The following TTC28 variants were observed in gnomAD, a reference collection of about 807,000 sequenced individuals.
The protein encoded by TTC28 is tetratricopeptide repeat domain 28, also known as tetratricopeptide repeat protein 28.
TTC28 carries 61 observed loss-of-function variants against 198.0 expected under a neutral mutation model. The observed-to-expected ratio is 0.31, with a 90% CI of 0.25 to 0.38. The LOEUF (loss-of-function observed/expected upper bound fraction) is 0.38. Ranked by LOEUF, TTC28 falls within the 10% of genes least tolerant of loss-of-function variation. The pLI is 1.00. For synonymous variants in TTC28, 1,171 were observed against 1,297.8 expected, an observed-to-expected ratio of 0.90 and a Z score of 2.10; for missense variants, 2,678 against 3,164.0, an observed-to-expected ratio of 0.85 and a Z score of 3.69.
intron 2 of TTC28, among the ~76,000 whole-genome samples, chr22:28,360,885 A>G (rs1257107155): frequency 6.6e-6 from 1 of 151,232 alleles, no homozygotes; most frequent in African/African-American, 2.5e-5. Flanking sequence ...ACACTTTTTC[A>G]TTATTATTAT....
chr22:28,336,853 G>C (rs2045730367), intron 2 of TTC28, among the ~76,000 whole-genome samples: 1 of 152,068 alleles, frequency 6.6e-6, no homozygotes, highest in Non-Finnish European at 1.5e-5. Context: ...GTTCTGCTCT[G>C]ATTTTAGTTA....
chr22:28,216,463 CAT>C (rs1927408951), intron 5 of TTC28, among the ~76,000 whole-genome samples: 1 of 152,108 alleles, frequency 6.6e-6, no homozygotes, highest in Non-Finnish European at 1.5e-5. Context: ...CATGTTAACA[CAT>C]GAGTTATGTG....
At chr22:28,472,580 G>T (rs1328136580) in intron 2 of TTC28, among the ~76,000 whole-genome samples, 1 of 151,692 alleles carries the variant, frequency 6.6e-6, no homozygotes, top group Admixed American at 6.6e-5. Context: ...GTGTGTGTGT[G>T]TGTGTGTGTG....
chr22:28,410,799 G>GA (rs945202353), intron 2 of TTC28, among the ~76,000 whole-genome samples: 4 of 151,914 alleles, frequency 2.6e-5, no homozygotes, highest in Admixed American at 6.5e-5. Flanking sequence ...CCTAGAAATA[G>GA]AAAAAAATAG....
intron 6 of TTC28, among the ~76,000 whole-genome samples, chr22:28,145,257 T>G (rs1204296658): frequency 6.6e-6 from 1 of 152,196 alleles, no homozygotes; most frequent in Non-Finnish European, 1.5e-5. Flanking sequence ...AAATATATTA[T>G]TATTGTTCCC....
intron 13 of TTC28, among the ~76,000 whole-genome samples, chr22:28,020,234 A>G (rs955600853): frequency 6.6e-6 from 1 of 152,232 alleles, no homozygotes; most frequent in African/African-American, 2.4e-5. Context: ...CTTTTCTCAC[A>G]GTCTGTCCCA....
At chr22:28,352,999 G>A (rs1421764041) in intron 2 of TTC28, among the ~76,000 whole-genome samples, 1 of 152,152 alleles carries the variant, frequency 6.6e-6, no homozygotes, top group Admixed American at 6.5e-5. Flanking sequence ...CTTCATTGGG[G>A]TAGGGAACCT....
chr22:28,193,178 C>T (rs1925029298), intron 5 of TTC28, among the ~76,000 whole-genome samples: 2 of 152,092 alleles, frequency 1.3e-5, no homozygotes, highest in Non-Finnish European at 2.9e-5. Context: ...TCATATCCAG[C>T]CAAACTAAGC....
chr22:28,135,446 G>A (rs1027093418), intron 6 of TTC28, among the ~76,000 whole-genome samples: 1 of 152,166 alleles, frequency 6.6e-6, no homozygotes, highest in African/African-American at 2.4e-5. Flanking sequence ...AGTTGTTGAG[G>A]AGTAAAACGC....
intron 12 of TTC28, among the ~76,000 whole-genome samples, chr22:28,037,367 G>A (rs546790986): frequency 2.9e-4 from 44 of 152,226 alleles, no homozygotes; most frequent in Non-Finnish European, 5.0e-4. Context: ...TTCAACATAC[G>A]AAAATCAATA....
At chr22:28,353,105 A>G (rs143086540) in intron 2 of TTC28, among the ~76,000 whole-genome samples, 17 of 152,322 alleles carry the variant, frequency 1.1e-4, no homozygotes, top group African/African-American at 3.8e-4. Context: ...CAGGACAGAC[A>G]AAGAGGTAAA....
chr22:28,347,609 T>C (rs134502), intron 2 of TTC28, among the ~76,000 whole-genome samples: 149,433 of 152,320 alleles, frequency 0.98, 73,303 homozygotes, highest in East Asian at 0.99. Flanking sequence ...CAGTGGCTCA[T>C]GCCTGTAATC....
chr22:28,332,681 T>C (rs558020712), intron 2 of TTC28, among the ~76,000 whole-genome samples: 5 of 152,238 alleles, frequency 3.3e-5, no homozygotes, highest in East Asian at 3.9e-4. Flanking sequence ...GAAATACTCA[T>C]TTGTAAAACA....
At chr22:28,100,799 T>C (rs1428747552) in intron 9 of TTC28, among the ~76,000 whole-genome samples, 1 of 152,206 alleles carries the variant, frequency 6.6e-6, no homozygotes, top group Non-Finnish European at 1.5e-5. Context: ...TATGCAGAAA[T>C]ATGGCCTTAT....
chr22:28,075,114 T>G (rs1339068534), intron 12 of TTC28, among the ~76,000 whole-genome samples: 1 of 151,692 alleles, frequency 6.6e-6, no homozygotes, highest in Admixed American at 6.6e-5. Context: ...AATAATAAAA[T>G]AAAAATTTAA....
chr22:28,342,629 C>T lies in TTC28; in HGVS notation c.382-35986G>A, dbSNP rs117893432. ...ATATATATGTATGATACACAAAAAACGGTGGTATATGAAATGCACATACAT... is the reference window on the plus strand; with the variant it reads ...ATATATATGTATGATACACAAAAAATGGTGGTATATGAAATGCACATACAT... On this transcript the variant is annotated intron_variant, in intron 2 of 22. Transcript: ENST00000397906. Among the ~76,000 whole-genome samples, 173 of 152,120 alleles carry T rather than the reference C, an allele frequency of 1.1e-3. 3 individuals carry two copies. The East Asian group carries it at 0.031, about 27-fold the overall frequency.
intron 2 of TTC28, among the ~76,000 whole-genome samples, chr22:28,516,542 T>C (rs950449693): frequency 1.4e-5 from 2 of 140,246 alleles, no homozygotes; most frequent in African/African-American, 5.4e-5. Flanking sequence ...TTTTCACTCA[T>C]AGGTAGGAAC....
rs368723019 is a variant in TTC28, at chr22:27,998,517, C to A, written c.5119+23G>T. ...ACTGAGCCCCAGGCCTTGACAGGCA[C>A]CCGCAGCCAGCCGAACTCCCACCTG... On this transcript the variant is annotated intron_variant, in intron 16 of 22. Transcript: ENST00000397906. The A allele has an allele frequency of 1.1e-5, 17 of 1,537,124 alleles. No homozygotes were observed. In the South Asian group the frequency reaches 1.3e-4, roughly 12 times the overall value.
chr22:28,293,162 C>T (rs2044819698), intron 5 of TTC28, among the ~76,000 whole-genome samples: 1 of 152,202 alleles, frequency 6.6e-6, no homozygotes, highest in Non-Finnish European at 1.5e-5. Flanking sequence ...TGCCCTTGTT[C>T]ACTGCAGAAT....
Sources: gnomAD v4.1 joint callset for allele counts (sites outside exome capture counted in the v4.1 genomes callset) on GRCh38, gnomAD v4.1.1 for gene constraint, MANE v1.5 for transcripts, NCBI Gene and HGNC (gene_info 2026-07-23, HGNC 2026-07-21) for gene names.